SEMA6D: variants seen among roughly 807,000 people sequenced by gnomAD.
SEMA6D encodes the protein semaphorin-6D.
A neutral mutation model predicts 106.6 loss-of-function variants in SEMA6D; 35 were observed. That is an observed-to-expected ratio of 0.33 (90% confidence interval 0.25 to 0.44). SEMA6D has a LOEUF of 0.44. Among genes scored for constraint, SEMA6D ranks in the 20% least tolerant of loss-of-function variants. The pLI, the probability that SEMA6D is intolerant of heterozygous loss-of-function variation, is 1.00. For synonymous variants in SEMA6D, 499 were observed against 487.7 expected (o/e 1.02, Z -0.31); for missense variants, 1,185 against 1,345.9 (o/e 0.88, Z 1.87).
intron 4 of SEMA6D, among the ~76,000 whole-genome samples, chr15:47,692,590 TA>T (rs1375705700): frequency 6.6e-6 from 1 of 152,188 alleles, no homozygotes; most frequent in Non-Finnish European, 1.5e-5. Context: ...AAACATATTA[TA>T]CCTGATTCTC....
In SEMA6D at chr15:47,253,094, T is replaced by C. The variant is rs553266299; in HGVS notation, c.-239+68676T>C. 1.1e-4 allele frequency among the ~76,000 whole-genome samples: 17 copies of C among 152,290 alleles called. No homozygotes were observed. The East Asian group carries it at 3.3e-3, about 29-fold the overall frequency. On this transcript the variant is annotated intron_variant, in intron 1 of 19. Coordinates refer to the SEMA6D transcript ENST00000558014. The stretch of plus-strand genomic sequence containing the variant: ...ACTTTATGATAATACCCATTCTAAC[T>C]GGGGTGAGGTGATATTTCACTGTTT...
At chr15:47,407,806 A>G (rs143392386) in intron 1 of SEMA6D, among the ~76,000 whole-genome samples, 1 of 152,326 alleles carries the variant, frequency 6.6e-6, no homozygotes, top group Non-Finnish European at 1.5e-5. Context: ...GTCAAGGCAC[A>G]TTGGATGGAT....
intron 4 of SEMA6D, among the ~76,000 whole-genome samples, chr15:47,708,658 G>C (rs147945302): frequency 1.5e-3 from 226 of 152,266 alleles, no homozygotes; most frequent in Non-Finnish European, 2.6e-3. Flanking sequence ...TCTAATTCTA[G>C]ACAGTAAGGA....
chr15:47,388,881 T>C (rs2039934386), intron 1 of SEMA6D, among the ~76,000 whole-genome samples: 1 of 152,164 alleles, frequency 6.6e-6, no homozygotes, highest in South Asian at 2.1e-4. Flanking sequence ...AGGTAGAACT[T>C]AATCAGTTAT....
chr15:47,642,184 A>G (rs565529764), intron 4 of SEMA6D, among the ~76,000 whole-genome samples: 1 of 152,330 alleles, frequency 6.6e-6, no homozygotes, highest in East Asian at 1.9e-4. Context: ...CAGATATGTC[A>G]TATGCCTGTT....
chr15:47,454,118 A>G lies in SEMA6D; in HGVS notation c.-158-16356A>G, dbSNP rs148498695. On this transcript the variant is annotated intron_variant, in intron 2 of 19. Coordinates refer to the SEMA6D transcript ENST00000558014. Reference sequence around the variant, plus strand: ...CAGTTTTTCCATGCACTCAGTGGGCATTTCTGGAGAGCCTGGTGGATATAT... The same window carrying G: ...CAGTTTTTCCATGCACTCAGTGGGCGTTTCTGGAGAGCCTGGTGGATATAT... Among the ~76,000 whole-genome samples the G allele has an allele frequency of 2.4e-3, 370 of 152,046 alleles. 3 individuals are homozygous for G. Among genetic ancestry groups the G allele is most frequent in the African/African-American group, 8.7e-3 (361 of 41,518 alleles).
intron 1 of SEMA6D, among the ~76,000 whole-genome samples, chr15:47,400,951 C>T (rs1363510668): frequency 2.6e-5 from 4 of 152,110 alleles, no homozygotes; most frequent in African/African-American, 9.7e-5. Flanking sequence ...GATTCAAGAG[C>T]CAGATGTCTG....
intron 3 of SEMA6D, among the ~76,000 whole-genome samples, chr15:47,550,265 A>G (rs1283335123): frequency 1.3e-5 from 2 of 152,164 alleles, no homozygotes; most frequent in East Asian, 3.9e-4. Flanking sequence ...CTCTGGGTCC[A>G]TTTTTTAATG....
intron 2 of SEMA6D, among the ~76,000 whole-genome samples, chr15:47,456,413 C>CA (rs1158983466): frequency 6.6e-6 from 1 of 151,466 alleles, no homozygotes; most frequent in Non-Finnish European, 1.5e-5. Flanking sequence ...ATTTTATCAC[C>CA]AAAAAAATAT....
chr15:47,468,279 T>G (rs145497928), intron 2 of SEMA6D, among the ~76,000 whole-genome samples: 350 of 152,312 alleles, frequency 2.3e-3, no homozygotes, highest in African/African-American at 8.2e-3. Flanking sequence ...TTTCTCATGA[T>G]AGCAGAATTT....
chr15:47,230,072 C>T (rs1044765911), intron 1 of SEMA6D, among the ~76,000 whole-genome samples: 2 of 151,950 alleles, frequency 1.3e-5, no homozygotes, highest in Non-Finnish European at 2.9e-5. Flanking sequence ...TTTGGCAACT[C>T]TCTTGGAAGT....
At chr15:47,600,343 A>T (rs986785367) in intron 3 of SEMA6D, among the ~76,000 whole-genome samples, 1 of 152,092 alleles carries the variant, frequency 6.6e-6, no homozygotes, top group Non-Finnish European at 1.5e-5. Flanking sequence ...GTGTTATACG[A>T]CTGAACCTAT....
intron 1 of SEMA6D, among the ~76,000 whole-genome samples, chr15:47,200,444 C>T (rs1894645410): frequency 6.6e-6 from 1 of 152,138 alleles, no homozygotes; most frequent in Non-Finnish European, 1.5e-5. Flanking sequence ...ATTCACATAT[C>T]TGTTGGGAAC....
At chr15:47,752,742 C>A (rs996611186) in intron 1 of SEMA6D, among the ~76,000 whole-genome samples, 3 of 151,748 alleles carry the variant, frequency 2.0e-5, no homozygotes, top group African/African-American at 7.2e-5. Context: ...GGCACAGTGG[C>A]TCACGCCTGT....
intron 1 of SEMA6D, among the ~76,000 whole-genome samples, chr15:47,733,324 T>A (rs2080251130): frequency 6.6e-6 from 1 of 152,240 alleles, no homozygotes; most frequent in African/African-American, 2.4e-5. Flanking sequence ...AAATCAGTCC[T>A]AAGACATCAT....
At chr15:47,277,613 T>TTA (rs1555414610) in intron 1 of SEMA6D, among the ~76,000 whole-genome samples, 3,595 of 129,336 alleles carry the variant, frequency 0.028, 50 homozygotes, top group Middle Eastern at 0.071. Context: ...ATTATTATTA[T>TTA]TTATTATTAT....
intron 2 of SEMA6D, among the ~76,000 whole-genome samples, chr15:47,449,715 A>G (rs1364701794): frequency 5.3e-5 from 8 of 152,180 alleles, no homozygotes; most frequent in African/African-American, 1.7e-4. Flanking sequence ...TCTCATTACC[A>G]TCTCTTATCA....
At chr15:47,296,768 A>C (rs1176317910) in intron 1 of SEMA6D, among the ~76,000 whole-genome samples, 1 of 152,180 alleles carries the variant, frequency 6.6e-6, no homozygotes, top group Admixed American at 6.5e-5. Flanking sequence ...TTGGTTACCA[A>C]ATATAATTTA....
At chr15:47,657,199 C>T (rs766255356) in intron 4 of SEMA6D, among the ~76,000 whole-genome samples, 3 of 152,122 alleles carry the variant, frequency 2.0e-5, no homozygotes, top group African/African-American at 7.2e-5. Context: ...AGTGATTGAG[C>T]ACAGACAGAT....
Sources: gnomAD v4.1 joint callset for allele counts (sites outside exome capture counted in the v4.1 genomes callset) on GRCh38, gnomAD v4.1.1 for gene constraint, MANE v1.5 for transcripts, NCBI Gene and HGNC (gene_info 2026-07-23, HGNC 2026-07-21) for gene names.